Variants in FREM1 observed in about 807,000 individuals in gnomAD.
The protein encoded by FREM1 is FRAS1 related extracellular matrix 1.
FREM1 carries 220 observed loss-of-function variants against 210.1 expected under a neutral mutation model. The ratio of observed to expected loss-of-function variants is 1.05; its 90% CI spans 0.94 to 1.17. The LOEUF is 1.17. Among genes scored for constraint, FREM1 ranks in the 50% most tolerant of loss-of-function variants. The probability of loss-of-function intolerance (pLI) is 0.00; values close to 1 mark genes in which losing one functional copy is unlikely to be tolerated. For missense variants in FREM1, 3,454 were observed against 2,675.5 expected (o/e 1.29, Z -6.42); for synonymous variants, 1,189 against 980.2 (o/e 1.21, Z -3.98).
intron 8 of FREM1, among the ~76,000 whole-genome samples, 180 bp downstream of exon 8, chr9:14,845,780 A>C (rs1229430784): frequency 6.6e-6 from 1 of 152,248 alleles, no homozygotes; most frequent in Non-Finnish European, 1.5e-5. Context: ...AAATGGTTAG[A>C]CATTGATCTG....
At chr9:14,750,519 T>G (rs1010591785) in intron 29 of FREM1, among the ~76,000 whole-genome samples, 16 of 152,110 alleles carry the variant, frequency 1.1e-4, no homozygotes, top group African/African-American at 3.6e-4. Flanking sequence ...AGCTGCAGTA[T>G]GCAAGGGATA....
rs866356829 is a variant in FREM1, at chr9:14,776,078, C to T, written c.4568G>A (p.Gly1523Asp). 1.2e-6 allele frequency: 2 copies of T among 1,613,080 alleles called. No individual in the cohort carries two copies. The highest frequency in any genetic ancestry group is 1.3e-5 in the African/African-American group (1 of 75,052). ...CTGAAGGAGGTCAGGGGAAAGCAGG[C>T]CCACGGCCCCTTGGGCCAGTCTCAA... ...KGLRLAQGAV[G>D]LLSPDLLQLT... The change falls in exon 25 of 37, where the codon GGC (glycine) becomes GAC (aspartate). Residue 1523 changes from glycine to aspartate, a missense_variant. By Grantham distance (94) the Gly-to-Asp change is moderately conservative. Coordinates refer to ENST00000380880, the MANE Select transcript of FREM1 (RefSeq NM_001379081.2).
chr9:14,895,789 C>G (rs1837610073), intron 1 of FREM1, among the ~76,000 whole-genome samples: 1 of 151,970 alleles, frequency 6.6e-6, no homozygotes. Context: ...GAGCTCCTCT[C>G]TACCCAAATA....
At position 14,824,872 on chromosome 9, in the gene FREM1, A is replaced by C. The variant is rs755083848; in HGVS notation, c.2002T>G (p.Phe668Val). ...VAYITKKQLHFIDSESYDREL... is the reference protein window; with the variant it reads ...VAYITKKQLHVIDSESYDREL... Reference sequence around the variant, plus strand: ...CTGTCATATGATTCTGAATCTATAAAATGTAGCTGTTTCTTAGTTATATAG... The same window carrying C: ...CTGTCATATGATTCTGAATCTATAACATGTAGCTGTTTCTTAGTTATATAG... Residue 668 changes from phenylalanine (F) to valine (V), a missense_variant, in exon 11 of 37, where the codon TTT (phenylalanine) becomes GTT (valine). By Grantham distance (50) the Phe-to-Val change is conservative. Transcript: ENST00000380880. 6.2e-7 allele frequency: 1 copy of C among 1,613,492 alleles called. No individual in the cohort carries two copies. Among genetic ancestry groups the C allele is most frequent in the East Asian group, 2.2e-5 (1 of 44,880 alleles).
intron 1 of FREM1, among the ~76,000 whole-genome samples, chr9:14,904,902 T>C (rs1057118819): frequency 7.9e-5 from 12 of 152,148 alleles, no homozygotes; most frequent in Non-Finnish European, 1.5e-4. Context: ...TTGCAGGTTT[T>C]GTCCATTCTG....
At chr9:14,782,513 A>C (rs1283387651) in intron 24 of FREM1, among the ~76,000 whole-genome samples, 2 of 152,234 alleles carry the variant, frequency 1.3e-5, no homozygotes, top group Non-Finnish European at 2.9e-5. Flanking sequence ...AGAAGCTAGA[A>C]GTTCCAGAAA....
chr9:14,834,080 C>T (rs575369112), intron 10 of FREM1, among the ~76,000 whole-genome samples: 7 of 152,254 alleles, frequency 4.6e-5, no homozygotes, highest in East Asian at 1.9e-4. Context: ...GAAATTACTT[C>T]GCATTATGAG....
intron 5 of FREM1, among the ~76,000 whole-genome samples, chr9:14,854,412 G>A (rs2131453038): frequency 6.6e-6 from 1 of 152,098 alleles, no homozygotes; most frequent in South Asian, 2.1e-4. Flanking sequence ...AAATTACATA[G>A]AAAGATTAAA....
At position 14,808,083 on chromosome 9, in the gene FREM1, G is replaced by A. The variant is rs377212852; in HGVS notation, c.2945C>T (p.Ser982Leu). The A allele has an allele frequency of 3.4e-5, 55 of 1,613,148 alleles. No homozygotes were observed. The highest frequency in any genetic ancestry group is 2.9e-4 in the African/African-American group (22 of 74,886). ...CACAAAAGGGCCAGCCTCTCCATCC[G>A]AAACCACCAATGTAATGGTGTCAAA... is the stretch of plus-strand genomic sequence containing the variant. ...PCFDTITLVV[S>L]DGEAGPFVNG... The change falls in exon 17 of 37, where the codon TCG becomes TTG. Residue 982 changes from serine to leucine, a missense_variant. Coordinates refer to ENST00000380880, the MANE Select transcript of FREM1 (RefSeq NM_001379081.2).
At chr9:14,862,507 G>A (rs919962938) in intron 3 of FREM1, among the ~76,000 whole-genome samples, 1 of 152,122 alleles carries the variant, frequency 6.6e-6, no homozygotes, top group Non-Finnish European at 1.5e-5. Context: ...TTTTCACTGG[G>A]ATATAATTCA....
At chr9:14,782,583 G>T (rs1849801809) in intron 24 of FREM1, among the ~76,000 whole-genome samples, 1 of 152,122 alleles carries the variant, frequency 6.6e-6, no homozygotes, top group African/African-American at 2.4e-5. Context: ...GAAGCACCCA[G>T]CCTTCATAAG....
At chr9:14,759,347 T>G (rs961269958) in intron 28 of FREM1, among the ~76,000 whole-genome samples, 5 of 151,840 alleles carry the variant, frequency 3.3e-5, no homozygotes, top group Admixed American at 2.6e-4. Context: ...CCGTCTCCAC[T>G]AAAAATACAA....
rs77239007 is a variant in FREM1, at chr9:14,837,602, A to G, written c.1881+3845T>C. ...AAAATGGTCTCTTTGAAGGCACAAT[A>G]ACTATTGTTTCCTTATTAAATCCAG... is the stretch of plus-strand genomic sequence containing the variant. On this transcript the variant is annotated intron_variant, in intron 10 of 36. Coordinates refer to ENST00000380880, the MANE Select transcript of FREM1 (RefSeq NM_001379081.2). Among the ~76,000 whole-genome samples the G allele has an allele frequency of 5.7e-3, 873 of 152,342 alleles. 6 individuals carry two copies. The highest frequency in any genetic ancestry group is 0.02 in the African/African-American group (821 of 41,594).
At position 14,836,378 on chromosome 9, in the gene FREM1, C is replaced by T. The variant is rs1377407317; in HGVS notation, c.1881+5069G>A. Among the ~76,000 whole-genome samples, 1 of 152,174 alleles carries T rather than the reference C, an allele frequency of 6.6e-6. No individual in the cohort carries two copies. Among genetic ancestry groups the T allele is most frequent in the Non-Finnish European group, 1.5e-5 (1 of 68,030 alleles). On this transcript the variant is annotated intron_variant, in intron 10 of 36. Coordinates refer to ENST00000380880, the MANE Select transcript of FREM1 (RefSeq NM_001379081.2). This position sits in a 1 kb window ranked among gnomAD's most constrained non-coding sequence, Gnocchi z 4.9. ...AAAAGTTTTACTATCACTAAGTCTG[C>T]TAGGATTTTTTATTGGATTTAGTGA...
intron 2 of FREM1, among the ~76,000 whole-genome samples, chr9:14,868,294 T>C (rs138587698): frequency 2.6e-4 from 39 of 152,340 alleles, no homozygotes; most frequent in Middle Eastern, 6.8e-3. Context: ...TCTTACATGA[T>C]GCTTTGCGCT....
chr9:14,754,448 G>T (rs1227822490), intron 29 of FREM1, among the ~76,000 whole-genome samples: 1 of 152,164 alleles, frequency 6.6e-6, no homozygotes, highest in South Asian at 2.1e-4. Context: ...ACAAAATACA[G>T]ATTTTTGCAT....
intron 1 of FREM1, among the ~76,000 whole-genome samples, chr9:14,909,238 C>A (rs985299050): frequency 6.6e-6 from 1 of 152,052 alleles, no homozygotes; most frequent in South Asian, 2.1e-4. Context: ...AAACAATAAA[C>A]AATTTCCATA....
At chr9:14,783,628 G>C (rs1437278639) in intron 24 of FREM1, among the ~76,000 whole-genome samples, 1 of 152,194 alleles carries the variant, frequency 6.6e-6, no homozygotes, top group Non-Finnish European at 1.5e-5. Flanking sequence ...AGAGCTGCGA[G>C]ATTATAGATC....
intron 36 of FREM1, among the ~76,000 whole-genome samples, chr9:14,738,426 G>A (rs997733469): frequency 1.3e-5 from 2 of 152,144 alleles, no homozygotes; most frequent in Non-Finnish European, 2.9e-5. Flanking sequence ...AATACTTTTG[G>A]TTAGGAATGC....
Sources: gnomAD v4.1 joint callset for allele counts (sites outside exome capture counted in the v4.1 genomes callset) on GRCh38, gnomAD v4.1.1 for gene constraint, Gnocchi (gnomAD v3.1) non-coding constraint, MANE v1.5 for transcripts, NCBI Gene and HGNC (gene_info 2026-07-23, HGNC 2026-07-21) for gene names.